MYO18B: variants seen among roughly 807,000 people sequenced by gnomAD.
MYO18B encodes myosin XVIIIB, also known as unconventional myosin-XVIIIb.
Under a neutral mutation model 273.0 loss-of-function variants are expected in MYO18B, and 204 were observed. The ratio of observed to expected loss-of-function variants is 0.75; its 90% CI spans 0.67 to 0.84. The LOEUF is 0.84. Among genes scored for constraint, MYO18B ranks in the 40% least tolerant of loss-of-function variants. The pLI is 0.00. For missense variants in MYO18B, 3,212 were observed against 3,287.6 expected (o/e 0.98, Z 0.56); for synonymous variants, 1,330 against 1,305.7 (o/e 1.02, Z -0.40).
At chr22:25,788,820 G>A (rs2087511284) in intron 11 of MYO18B, among the ~76,000 whole-genome samples, 1 of 152,162 alleles carries the variant, frequency 6.6e-6, no homozygotes, top group African/African-American at 2.4e-5. Context: ...ACTGGCGACA[G>A]TGGAGTCTGA....
intron 20 of MYO18B, among the ~76,000 whole-genome samples, chr22:25,850,813 T>C (rs1331676563): frequency 6.6e-6 from 1 of 152,222 alleles, no homozygotes; most frequent in Admixed American, 6.5e-5. Context: ...GTCTTGTCTG[T>C]ACAGCCCCCT....
intron 39 of MYO18B, among the ~76,000 whole-genome samples, chr22:25,959,911 C>CA (rs1201597904): frequency 6.6e-6 from 1 of 151,982 alleles, no homozygotes; most frequent in Non-Finnish European, 1.5e-5. Context: ...CTCTGGAGAC[C>CA]AAAAAAAGGA....
At chr22:25,988,425 A>T (rs549399790) in intron 39 of MYO18B, among the ~76,000 whole-genome samples, 1 of 152,004 alleles carries the variant, frequency 6.6e-6, no homozygotes, top group Non-Finnish European at 1.5e-5. Flanking sequence ...GAGGGCGGCA[A>T]GGGGGCAATG....
intron 13 of MYO18B, among the ~76,000 whole-genome samples, chr22:25,824,694 AC>A (rs1038509381): frequency 1.3e-5 from 2 of 151,702 alleles, no homozygotes. Flanking sequence ...TGTCACTTGG[AC>A]CCCATTGGCC....
intron 17 of MYO18B, among the ~76,000 whole-genome samples, chr22:25,835,851 G>C (rs1276287641): frequency 1.3e-5 from 2 of 152,244 alleles, no homozygotes; most frequent in Admixed American, 1.3e-4. Context: ...GACAAGTTTG[G>C]AGATGGCTTC....
chr22:25,991,080 CTTA>C lies in MYO18B; in HGVS notation c.6157-1280_6157-1278del, dbSNP rs368313814. 7.9e-4 allele frequency among the ~76,000 whole-genome samples: 120 copies of C among 152,280 alleles called. 2 individuals are homozygous for C. Among genetic ancestry groups the C allele is most frequent in the African/African-American group, 2.9e-3 (119 of 41,548 alleles). ...AGAAGCACTCCACGCTGCCACAATT[CTTA>C]TTTCTAATGTTGATGTCTGCCTAAG... On this transcript the variant is annotated intron_variant, in intron 39 of 43. Transcript: ENST00000335473.
intron 28 of MYO18B, chr22:25,896,330 G>T (rs1050129452): frequency 6.6e-6 from 1 of 152,082 alleles, no homozygotes; most frequent in African/African-American, 2.4e-5. Context: ...GGTGCATGCA[G>T]TTCTTTGAGG....
chr22:25,858,354 G>A lies in MYO18B; in HGVS notation c.3885+6775G>A, dbSNP rs529585472. Among the ~76,000 whole-genome samples the A allele has an allele frequency of 1.8e-4, 27 of 152,338 alleles. No individual in the cohort carries two copies. In the East Asian group the frequency reaches 5.0e-3, roughly 28 times the overall value. ...TGGAAGCCATTGGACCATGGTGTGG[G>A]CTTCATGGGGGCAGGTGCTATATGG... On this transcript the variant is annotated intron_variant, in intron 21 of 43. Transcript: ENST00000335473.
At chr22:25,774,468 G>A (rs921628803) in intron 7 of MYO18B, among the ~76,000 whole-genome samples, 1 of 152,204 alleles carries the variant, frequency 6.6e-6, no homozygotes, top group African/African-American at 2.4e-5. Flanking sequence ...GGTCCTCATT[G>A]GCCATCCTGG....
intron 25 of MYO18B, among the ~76,000 whole-genome samples, chr22:25,889,044 AG>A (rs1375921511): frequency 2.0e-5 from 3 of 150,686 alleles, no homozygotes; most frequent in Admixed American, 1.3e-4. Flanking sequence ...CCATCCTTCC[AG>A]GAAAAAAAAA....
At chr22:25,811,597 A>G (rs965386850) in intron 12 of MYO18B, among the ~76,000 whole-genome samples, 1 of 152,192 alleles carries the variant, frequency 6.6e-6, no homozygotes, top group Non-Finnish European at 1.5e-5. Context: ...CAGTGGGTTC[A>G]CACCACCTTT....
chr22:25,843,804 C>T lies in MYO18B; in HGVS notation c.3278C>T (p.Pro1093Leu), dbSNP rs2090154666. 4 of 1,613,846 alleles carry T rather than the reference C, an allele frequency of 2.5e-6. No homozygotes were observed. The highest frequency in any genetic ancestry group is 1.1e-5 in the South Asian group (1 of 91,078). ...ATTTTCCACCAGTTGGGATGGGACC[C>T]TGTGCGGTACGACCTCACGGGCTGG... ...CEIFHQLGWD[P>L]VRYDLTGWLH... Residue 1093 changes from proline to leucine, a missense_variant, in exon 18 of 44, where the codon CCT becomes CTT. By Grantham distance (98) the Pro-to-Leu change is moderately conservative. Transcript: ENST00000335473.
At chr22:25,958,156 C>T (rs1237345687) in intron 39 of MYO18B, among the ~76,000 whole-genome samples, 2 of 152,040 alleles carry the variant, frequency 1.3e-5, no homozygotes, top group African/African-American at 4.8e-5. Context: ...CTCAGGTGAT[C>T]CACCCACCTT....
At chr22:25,792,216 C>G (rs1465360514) in intron 11 of MYO18B, among the ~76,000 whole-genome samples, 1 of 152,208 alleles carries the variant, frequency 6.6e-6, no homozygotes, top group Non-Finnish European at 1.5e-5. Flanking sequence ...CTTCACCTCT[C>G]TGAGTCTCCA....
the MYO18B span, among the ~76,000 whole-genome samples, chr22:26,060,279 T>TA: frequency 2.0e-4 from 31 of 152,366 alleles, no homozygotes; most frequent in Middle Eastern, 3.4e-3. Flanking sequence ...AGAGACCAAA[T>TA]ACCCTGAATG....
At chr22:25,889,270 A>C (rs2091591797) in intron 25 of MYO18B, among the ~76,000 whole-genome samples, 1 of 152,098 alleles carries the variant, frequency 6.6e-6, no homozygotes, top group African/African-American at 2.4e-5. Flanking sequence ...GTACCGAGAG[A>C]GGCTAGCTCG....
chr22:25,904,878 T>C (rs1188914086), intron 31 of MYO18B, among the ~76,000 whole-genome samples: 1 of 151,374 alleles, frequency 6.6e-6, no homozygotes, highest in Non-Finnish European at 1.5e-5. Context: ...ACACACATAA[T>C]AATTTTAGCT....
downstream of MYO18B, among the ~76,000 whole-genome samples, chr22:26,033,109 G>A (rs547688824): frequency 6.6e-5 from 10 of 152,284 alleles, no homozygotes; most frequent in African/African-American, 2.4e-4. Flanking sequence ...TATCAATGCC[G>A]GAGGGAACAG....
chr22:26,015,804 T>G (rs139860503), intron 42 of MYO18B, among the ~76,000 whole-genome samples: 44 of 152,128 alleles, frequency 2.9e-4, no homozygotes, highest in Non-Finnish European at 5.3e-4. Context: ...AACTTAAAAG[T>G]TTTTTTTCTT....
Sources: gnomAD v4.1 joint callset for allele counts (sites outside exome capture counted in the v4.1 genomes callset) on GRCh38, gnomAD v4.1.1 for gene constraint, MANE v1.5 for transcripts, NCBI Gene and HGNC (gene_info 2026-07-23, HGNC 2026-07-21) for gene names.